BRCA1: variants seen among roughly 807,000 people sequenced by gnomAD.
BRCA1 encodes BRCA1 DNA repair associated.
BRCA1 carries 140 observed loss-of-function variants against 173.7 expected under a neutral mutation model. The observed-to-expected ratio is 0.81, with a 90% confidence interval of 0.70 to 0.93. BRCA1 has a LOEUF of 0.93. Ranked by LOEUF, BRCA1 falls within the 40% of genes least tolerant of loss-of-function variation. The pLI is 0.00. For missense variants in BRCA1, 1,983 were observed against 2,172.5 expected, an observed-to-expected ratio of 0.91 and a Z score of 1.73; for synonymous variants, 662 against 756.0, an observed-to-expected ratio of 0.88 and a Z score of 2.04.
Position 43,091,474 on chromosome 17 carries a change from C to T in BRCA1, c.4057G>A (p.Glu1353Lys), listed in dbSNP as rs80357178. Reference protein sequence around the residue: ...DDEERGTGLEENNQEEQSMDS... With the variant: ...DDEERGTGLEKNNQEEQSMDS... ...ATGCTTTGCTCTTCTTGATTATTTTCTTCCAAGCCCGTTCCTCTTTCTTCA... is the reference window on the plus strand; with the variant it reads ...ATGCTTTGCTCTTCTTGATTATTTTTTTCCAAGCCCGTTCCTCTTTCTTCA... Residue 1353 changes from glutamate (E) to lysine (K), a missense_variant, in exon 10 of 23, where the codon GAA (glutamate) becomes AAA (lysine). Physicochemically the swap from Glu to Lys is moderately conservative, Grantham distance 56. Coordinates refer to ENST00000357654, the MANE Select transcript of BRCA1 (RefSeq NM_007294.4). 1 of 1,613,502 alleles carries T rather than the reference C, an allele frequency of 6.2e-7. No individual in the cohort carries two copies.
intron 11 of BRCA1, among the ~76,000 whole-genome samples, chr17:43,084,434 G>A (rs2053151006): frequency 1.3e-5 from 2 of 152,176 alleles, no homozygotes. Flanking sequence ...CCAAAGTGCT[G>A]GGATTACAGA....
chr17:43,047,770 C>T (rs2152821830), intron 21 of BRCA1, 67 bp from the exon 22 acceptor site: 1 of 1,565,418 alleles, frequency 6.4e-7, no homozygotes, highest in East Asian at 2.2e-5. Context: ...GTCACTTCAT[C>T]ATTTTTTTTG....
Position 43,045,505 on chromosome 17 carries a change from T to C in BRCA1, c.*173A>G, listed in dbSNP as rs2050842669. 2.8e-6 allele frequency: 3 copies of C among 1,057,632 alleles called. No homozygotes were observed. In the South Asian group the frequency reaches 4.1e-5, roughly 14 times the overall value. 65.5% of individuals were successfully genotyped at this position (1,057,632 alleles called of 1,614,324 possible). A position where few individuals can be genotyped will look rare whatever the true frequency, so the allele number is the denominator to read the frequency against. The stretch of plus-strand genomic sequence containing the variant: ...CAAGGGAGACTTCAAGCAGAAAATC[T>C]TTAAGGGACCCTTGCATAGCCAGAA... On this transcript the variant is annotated 3_prime_UTR_variant, in exon 23 of 23. Coordinates refer to ENST00000357654, the MANE Select transcript of BRCA1 (RefSeq NM_007294.4).
intron 1 of BRCA1, among the ~76,000 whole-genome samples, chr17:43,137,685 C>G (rs1198994890): frequency 1.3e-5 from 2 of 152,122 alleles, no homozygotes; most frequent in East Asian, 3.8e-4. Context: ...CAAGACCAGC[C>G]TGGCTAACAT....
intron 22 of BRCA1, 65 bp downstream of exon 22, chr17:43,047,578 A>G: frequency 6.7e-7 from 1 of 1,497,822 alleles, no homozygotes; most frequent in East Asian, 2.3e-5. Flanking sequence ...GCACCAGGTA[A>G]TGAGTGATAA....
At chr17:43,087,768 C>T (rs2053286357) in intron 11 of BRCA1, among the ~76,000 whole-genome samples, 1 of 152,134 alleles carries the variant, frequency 6.6e-6, no homozygotes, top group Non-Finnish European at 1.5e-5. Flanking sequence ...AGGGTCTCAC[C>T]ATATCACCCA....
At chr17:43,151,234 T>C (rs892265766) in intron 1 of BRCA1, among the ~76,000 whole-genome samples, 3 of 152,228 alleles carry the variant, frequency 2.0e-5, no homozygotes, top group African/African-American at 7.2e-5. Context: ...GCTTTTTGTA[T>C]CTATGACTGT....
intron 1 of BRCA1, chr17:43,139,892 C>A: frequency 2.1e-6 from 1 of 474,448 alleles, no homozygotes. Flanking sequence ...TATGATTGCA[C>A]ATCTTTTGTT....
upstream of BRCA1, chr17:43,125,383 C>G (rs1484915984): frequency 2.4e-6 from 1 of 409,436 alleles, no homozygotes; most frequent in African/African-American, 2.1e-5. Context: ...GCCGCGCAGT[C>G]GCAGTTTTAA....
At chr17:43,102,202 C>G (rs868327427) in intron 6 of BRCA1, among the ~76,000 whole-genome samples, 17 of 151,820 alleles carry the variant, frequency 1.1e-4, no homozygotes, top group African/African-American at 3.9e-4. Flanking sequence ...TCCCGAGTAG[C>G]TGGGACTACA....
intron 1 of BRCA1, among the ~76,000 whole-genome samples, chr17:43,153,402 G>C (rs537857910): frequency 6.6e-6 from 1 of 152,170 alleles, no homozygotes; most frequent in Non-Finnish European, 1.5e-5. Flanking sequence ...TGTTTCCCTA[G>C]CTGTGCAGCT....
intron 2 of BRCA1, among the ~76,000 whole-genome samples, chr17:43,121,475 A>C (rs1013290852): frequency 6.6e-6 from 1 of 152,206 alleles, no homozygotes; most frequent in Non-Finnish European, 1.5e-5. Context: ...ACCTGAGGTC[A>C]GGAGTTCGAG....
At position 43,115,163 on chromosome 17, in the gene BRCA1, C is replaced by T. The variant is rs8176102; in HGVS notation, c.134+563G>A. On this transcript the variant is annotated intron_variant, in intron 3 of 22. Transcript: ENST00000357654. ...CTTGCAGTTTGCTTTCACTGATGGA[C>T]ACAAAAAATACAAAACACTGTTCAA... Among the ~76,000 whole-genome samples, 222 of 152,180 alleles carry T rather than the reference C, an allele frequency of 1.5e-3. 1 individual carries two copies. The highest frequency in any genetic ancestry group is 5.0e-3 in the African/African-American group (209 of 41,552).
At chr17:43,101,526 A>G (rs2054474835) in intron 6 of BRCA1, among the ~76,000 whole-genome samples, 1 of 151,584 alleles carries the variant, frequency 6.6e-6, no homozygotes, top group African/African-American at 2.4e-5. Context: ...TTTTTGAGAC[A>G]GAGTCTCACT....
At chr17:43,155,481 T>C (rs561620682) in intron 1 of BRCA1, among the ~76,000 whole-genome samples, 106 of 152,270 alleles carry the variant, frequency 7.0e-4, no homozygotes, top group African/African-American at 2.5e-3. Flanking sequence ...TCTTCCTGCT[T>C]TGGCTTCCCA....
chr17:43,102,592 T>A (rs2054537266), intron 6 of BRCA1, among the ~76,000 whole-genome samples: 1 of 151,420 alleles, frequency 6.6e-6, no homozygotes, highest in Non-Finnish European at 1.5e-5. Context: ...CCTGACCTCA[T>A]GATCCACTGG....
intron 9 of BRCA1, among the ~76,000 whole-genome samples, chr17:43,095,365 T>C (rs1473481740): frequency 1.3e-5 from 2 of 152,150 alleles, no homozygotes; most frequent in Non-Finnish European, 2.9e-5. Context: ...GCAGACTGCT[T>C]GAGTCCAGGA....
chr17:43,067,753 T>A (rs2153723637), intron 15 of BRCA1, 58 bp from the exon 16 acceptor site: 1 of 1,341,160 alleles, frequency 7.5e-7, no homozygotes, highest in Non-Finnish European at 1.1e-6. Flanking sequence ...CAGCTCAGAA[T>A]ACTAGTTATT....
chr17:43,162,799 G>A (rs1348992736), intron 1 of BRCA1: 1 of 152,160 alleles, frequency 6.6e-6, no homozygotes, highest in Non-Finnish European at 1.5e-5. Flanking sequence ...AGCAGAGCTT[G>A]TCGTCTTCTT....
Sources: gnomAD v4.1 joint callset for allele counts (sites outside exome capture counted in the v4.1 genomes callset) on GRCh38, gnomAD v4.1.1 for gene constraint, MANE v1.5 for transcripts, NCBI Gene and HGNC (gene_info 2026-07-23, HGNC 2026-07-21) for gene names.